The following ASPH variants were observed in gnomAD, a reference collection of about 807,000 sequenced individuals.
ASPH encodes aspartyl/asparaginyl beta-hydroxylase.
In ASPH, 100 loss-of-function variants were observed where a neutral mutation model predicts 118.4. The ratio of observed to expected loss-of-function variants is 0.84; its 90% CI spans 0.72 to 1.00. The LOEUF (loss-of-function observed/expected upper bound fraction) is 1.00. Among genes scored for constraint, ASPH ranks in the 50% least tolerant of loss-of-function variants. The pLI is 0.00. For synonymous variants in ASPH, 315 were observed against 325.6 expected (o/e 0.97, Z 0.35); for missense variants, 920 against 919.5 (o/e 1.00, Z -0.01).
intron 14 of ASPH, among the ~76,000 whole-genome samples, chr8:61,609,695 G>A (rs1043504960): frequency 5.9e-5 from 9 of 151,836 alleles, no homozygotes; most frequent in African/African-American, 1.5e-4. Context: ...TAAAAATATC[G>A]CAGGAACTAC....
chr8:61,587,371 G>A (rs1198082804), intron 14 of ASPH, among the ~76,000 whole-genome samples: 1 of 152,168 alleles, frequency 6.6e-6, no homozygotes, highest in Non-Finnish European at 1.5e-5. Context: ...ACAGACTTAT[G>A]TCTCCCAATT....
chr8:61,691,055 A>T (rs1003972807), intron 1 of ASPH, among the ~76,000 whole-genome samples: 20 of 152,198 alleles, frequency 1.3e-4, no homozygotes, highest in African/African-American at 4.8e-4. Flanking sequence ...CCTTACTACT[A>T]TTGATATTTA....
intron 1 of ASPH, among the ~76,000 whole-genome samples, chr8:61,707,633 G>A (rs1212517451): frequency 6.6e-6 from 1 of 152,180 alleles, no homozygotes; most frequent in Non-Finnish European, 1.5e-5. Flanking sequence ...CATGGGGAGA[G>A]ATAGGCACAT....
intron 14 of ASPH, among the ~76,000 whole-genome samples, chr8:61,593,771 C>T (rs550535511): frequency 6.6e-6 from 1 of 152,298 alleles, no homozygotes; most frequent in South Asian, 2.1e-4. Context: ...GTTTTCTAGA[C>T]ATAACAGAAA....
At chr8:61,662,112 T>C (rs902175409) in intron 3 of ASPH, among the ~76,000 whole-genome samples, 2 of 152,156 alleles carry the variant, frequency 1.3e-5, no homozygotes, top group African/African-American at 4.8e-5. Flanking sequence ...AGTATCTAAA[T>C]ATTAAAGGAT....
intron 13 of ASPH, among the ~76,000 whole-genome samples, chr8:61,622,698 T>C (rs1426467341): frequency 2.0e-5 from 3 of 152,156 alleles, no homozygotes; most frequent in Admixed American, 2.0e-4. Context: ...GGCTTCCACC[T>C]TGCACCAGCT....
intron 21 of ASPH, among the ~76,000 whole-genome samples, chr8:61,539,943 G>C (rs1345352682): frequency 6.6e-6 from 1 of 152,042 alleles, no homozygotes; most frequent in Non-Finnish European, 1.5e-5. Context: ...CTAACTATAG[G>C]ACATCTTTTC....
rs559313242 is a variant in ASPH, at chr8:61,627,694, A to G, written c.934+5989T>C. Among the ~76,000 whole-genome samples, 122 of 152,356 alleles carry G rather than the reference A, an allele frequency of 8.0e-4. 1 individual carries two copies. Among genetic ancestry groups the G allele is most frequent in the African/African-American group, 2.8e-3 (118 of 41,590 alleles). On this transcript the variant is annotated intron_variant, in intron 13 of 24. Transcript: ENST00000379454. ...GGGAAAATGGAAAGTTGTTCAAAGT[A>G]TAACAATGAGTATTTATAAAAAGGC...
intron 10 of ASPH, among the ~76,000 whole-genome samples, chr8:61,639,765 T>G (rs1804192713): frequency 6.6e-6 from 1 of 152,150 alleles, no homozygotes. Context: ...TCCTCTCAGA[T>G]GCCTCAAAGA....
chr8:61,579,617 C>T lies in ASPH; in HGVS notation c.1063-2759G>A, dbSNP rs181090997. The T allele has an allele frequency of 1.5e-3, 2,339 of 1,519,550 alleles. 2 individuals carry two copies. The highest frequency in any genetic ancestry group is 2.0e-3 in the Admixed American group (118 of 59,836). 94.1% of individuals were successfully genotyped at this position (1,519,550 alleles called of 1,614,324 possible). A position where few individuals can be genotyped will look rare whatever the true frequency, so the allele number is the denominator to read the frequency against. On this transcript the variant is annotated intron_variant, in intron 15 of 24. Coordinates refer to ENST00000379454, the MANE Select transcript of ASPH (RefSeq NM_004318.4). ...CCAGGGCCGTGGTTGTGAAGAAGAT[C>T]GAGACATGTGATGGGAAGCTGGTGT... is the stretch of plus-strand genomic sequence containing the variant.
chr8:61,551,977 C>T (rs1490854008), intron 20 of ASPH, among the ~76,000 whole-genome samples: 1 of 152,156 alleles, frequency 6.6e-6, no homozygotes, highest in Non-Finnish European at 1.5e-5. Context: ...TTATCTGAAC[C>T]TCTAGTACCT....
intron 1 of ASPH, among the ~76,000 whole-genome samples, chr8:61,688,632 A>G (rs893424634): frequency 1.3e-5 from 2 of 152,222 alleles, no homozygotes; most frequent in African/African-American, 2.4e-5. Context: ...CTACACATTT[A>G]AAGTTTTTTG....
intron 13 of ASPH, among the ~76,000 whole-genome samples, chr8:61,632,173 GCACCTTATTC>G (rs1173077853): frequency 6.6e-6 from 1 of 152,078 alleles, no homozygotes; most frequent in Admixed American, 6.6e-5. Context: ...ATCTAAAAAA[GCACCTTATTC>G]CATCACCTCA....
chr8:61,527,771 G>A (rs1323495293), intron 21 of ASPH, among the ~76,000 whole-genome samples: 1 of 152,086 alleles, frequency 6.6e-6, no homozygotes, highest in Non-Finnish European at 1.5e-5. Context: ...TGGCTGGATG[G>A]CCTTTCAGCC....
chr8:61,553,257 GA>G, intron 19 of ASPH, 137 bp from the exon 20 acceptor site: 1 of 617,836 alleles, frequency 1.6e-6, no homozygotes. Flanking sequence ...TAAACTTTGG[GA>G]ATGAGGTTAC....
rs1395718098 is a variant in ASPH, at chr8:61,502,123, T to G, written c.*1236A>C. 4 of 152,204 alleles carry G rather than the reference T, an allele frequency of 2.6e-5. No homozygotes were observed. Among genetic ancestry groups the G allele is most frequent in the African/African-American group, 4.8e-5 (2 of 41,454 alleles). The allele number at this position is 152,204 out of a possible 1,614,324, so 9.4% of individuals were successfully genotyped here. ...AGTAGGCAAGACGATTTTTACCTAT[T>G]ATTTCTATGTTGTGGGTAATGTTAA... On this transcript the variant is annotated 3_prime_UTR_variant, in exon 25 of 25. Coordinates refer to ENST00000379454, the MANE Select transcript of ASPH (RefSeq NM_004318.4).
Position 61,586,294 on chromosome 8 carries a change from C to T in ASPH, c.977-2265G>A, listed in dbSNP as rs1383661485. 5.3e-5 allele frequency among the ~76,000 whole-genome samples: 8 copies of T among 152,186 alleles called. No individual in the cohort carries two copies. The East Asian group carries it at 1.5e-3, about 29-fold the overall frequency. ...ACTTAATTTCCAGCTGAGCTACAAA[C>T]CAACTAGTTCATTTTCTCCTGCATC... On this transcript the variant is annotated intron_variant, in intron 14 of 24. Transcript: ENST00000379454.
At chr8:61,645,169 T>C (rs1168678950) in intron 6 of ASPH, among the ~76,000 whole-genome samples, 3 of 152,210 alleles carry the variant, frequency 2.0e-5, no homozygotes, top group African/African-American at 4.8e-5. Flanking sequence ...TTAATGCATA[T>C]ATAAAGAATA....
At chr8:61,609,534 C>T (rs1050633832) in intron 14 of ASPH, among the ~76,000 whole-genome samples, 1 of 152,158 alleles carries the variant, frequency 6.6e-6, no homozygotes, top group African/African-American at 2.4e-5. Flanking sequence ...AAAGGCATGA[C>T]TGACATTCAT....
Sources: gnomAD v4.1 joint callset for allele counts (sites outside exome capture counted in the v4.1 genomes callset) on GRCh38, gnomAD v4.1.1 for gene constraint, MANE v1.5 for transcripts, NCBI Gene and HGNC (gene_info 2026-07-23, HGNC 2026-07-21) for gene names.